PSMA5: variants seen among roughly 807,000 people sequenced by gnomAD.
The protein encoded by PSMA5 is proteasome subunit alpha type-5.
Under a neutral mutation model 34.5 loss-of-function variants are expected in PSMA5, and 3 were observed. The observed-to-expected ratio is 0.09, with a 90% CI of 0.04 to 0.22. The LOEUF (loss-of-function observed/expected upper bound fraction) is 0.22, where lower values mean the gene tolerates loss of function less well. PSMA5 is among the 10% of genes least tolerant of loss of function. The pLI is 1.00. For synonymous variants in PSMA5, 88 were observed against 95.8 expected, an observed-to-expected ratio of 0.92 and a Z score of 0.47; for missense variants, 120 against 286.1, an observed-to-expected ratio of 0.42 and a Z score of 4.19.
At chr1:109,416,268 C>T (rs983759361) in intron 2 of PSMA5, among the ~76,000 whole-genome samples, 4 of 152,188 alleles carry the variant, frequency 2.6e-5, no homozygotes, top group Non-Finnish European at 4.4e-5. Flanking sequence ...CAAGAATTAA[C>T]ATCACCCTAT....
intron 7 of PSMA5, 128 bp from the exon 8 acceptor site, chr1:109,410,142 G>A: frequency 1.6e-6 from 1 of 643,060 alleles, no homozygotes; most frequent in East Asian, 2.7e-5. Flanking sequence ...TTAGTATGGT[G>A]CATTACAAGT....
At chr1:109,403,586 T>C (rs1256838737) in intron 8 of PSMA5, among the ~76,000 whole-genome samples, 2 of 151,968 alleles carry the variant, frequency 1.3e-5, no homozygotes, top group African/African-American at 4.8e-5. Flanking sequence ...GTTGTGATCA[T>C]CCCACTGCAC....
At chr1:109,403,845 T>TA (rs896695683) in intron 8 of PSMA5, among the ~76,000 whole-genome samples, 5 of 150,908 alleles carry the variant, frequency 3.3e-5, no homozygotes, top group African/African-American at 1.2e-4. Context: ...GGAACAGACT[T>TA]AAAAAAAAAG....
Position 109,400,786 on chromosome 1 carries a change from A to G in PSMA5, c.*1227T>C, listed in dbSNP as rs1413337232. The G allele has an allele frequency of 6.6e-6, 1 of 152,194 alleles. No individual in the cohort carries two copies. The highest frequency in any genetic ancestry group is 2.4e-5 in the African/African-American group (1 of 41,438). 9.4% of individuals were successfully genotyped at this position (152,194 alleles called of 1,614,324 possible). A position where few individuals can be genotyped will look rare whatever the true frequency, so the allele number is the denominator to read the frequency against. ...TCATAATTTATTAACATATAGTACAACTTCCTACACATCAATATACCCAGA... is the reference window on the plus strand; with the variant it reads ...TCATAATTTATTAACATATAGTACAGCTTCCTACACATCAATATACCCAGA... On this transcript the variant is annotated 3_prime_UTR_variant, in exon 9 of 9. Coordinates refer to ENST00000271308, the MANE Select transcript of PSMA5 (RefSeq NM_002790.4).
At chr1:109,413,448 T>C (rs1316647713) in intron 3 of PSMA5, among the ~76,000 whole-genome samples, 1 of 152,198 alleles carries the variant, frequency 6.6e-6, no homozygotes, top group Non-Finnish European at 1.5e-5. Flanking sequence ...TTGTAGACGA[T>C]GATACATTTT....
Position 109,411,568 on chromosome 1 carries a change from A to G in PSMA5, c.458+309T>C, listed in dbSNP as rs1401093813. On this transcript the variant is annotated intron_variant, in intron 6 of 8. Coordinates refer to ENST00000271308, the MANE Select transcript of PSMA5 (RefSeq NM_002790.4). The stretch of plus-strand genomic sequence containing the variant: ...TTAGTATTAGAAGCCATATATATGT[A>G]TATACATACACACACACACACTCTA... 2.1e-5 allele frequency among the ~76,000 whole-genome samples: 3 copies of G among 144,184 alleles called. No homozygotes were observed. In the East Asian group the frequency reaches 6.2e-4, roughly 30 times the overall value. 94.6% of individuals were successfully genotyped at this position (144,184 alleles called of 152,430 possible). A position where few individuals can be genotyped will look rare whatever the true frequency, so the allele number is the denominator to read the frequency against.
At chr1:109,415,953 A>G (rs886787058) in intron 2 of PSMA5, among the ~76,000 whole-genome samples, 2 of 152,184 alleles carry the variant, frequency 1.3e-5, no homozygotes, top group African/African-American at 4.8e-5. Context: ...ACTATTAATT[A>G]TTTAAGGTCG....
At chr1:109,421,130 T>C (rs1364525678) in intron 2 of PSMA5, among the ~76,000 whole-genome samples, 1 of 151,472 alleles carries the variant, frequency 6.6e-6, no homozygotes, top group African/African-American at 2.4e-5. Context: ...GAAGCTGCAG[T>C]GAGCTAAGAT....
At chr1:109,418,972 T>C (rs111527792) in intron 2 of PSMA5, among the ~76,000 whole-genome samples, 6,745 of 152,100 alleles carry the variant, frequency 0.044, 507 homozygotes, top group African/African-American at 0.15. Flanking sequence ...CTGACCAACA[T>C]GGACAAACCC....
chr1:109,425,960 T>C (rs12073808), intron 1 of PSMA5: 22 of 408,296 alleles, frequency 5.4e-5, no homozygotes, highest in South Asian at 2.6e-4. Flanking sequence ...GCAGTCATAC[T>C]AGGCACGAAA....
At position 109,426,398 on chromosome 1, in the gene PSMA5, A is replaced by T. The variant is rs1034189561; in HGVS notation, c.-68T>A. 27 of 1,593,778 alleles carry T rather than the reference A, an allele frequency of 1.7e-5. No individual in the cohort carries two copies. In the Admixed American group the frequency reaches 4.5e-4, roughly 27 times the overall value. The stretch of plus-strand genomic sequence containing the variant: ...GACCAACACGACTCCACCGGCACCC[A>T]ACTCACCGGCAGCCAACTCACCCAC... On this transcript the variant is annotated 5_prime_UTR_variant, in exon 1 of 9. Coordinates refer to ENST00000271308, the MANE Select transcript of PSMA5 (RefSeq NM_002790.4).
intron 3 of PSMA5, among the ~76,000 whole-genome samples, chr1:109,414,053 T>C (rs889726067): frequency 6.6e-6 from 1 of 152,242 alleles, no homozygotes; most frequent in Non-Finnish European, 1.5e-5. Flanking sequence ...AAGGATTACA[T>C]TGAAGCCCTT....
intron 1 of PSMA5, among the ~76,000 whole-genome samples, chr1:109,424,637 G>A (rs965991615): frequency 2.0e-5 from 3 of 151,804 alleles, no homozygotes; most frequent in East Asian, 2.0e-4. Flanking sequence ...TTAGCCGGGC[G>A]TGGTGGCACC....
At chr1:109,412,643 A>C (rs17037695) in intron 4 of PSMA5, 75 of 171,402 alleles carry the variant, frequency 4.4e-4, no homozygotes, top group African/African-American at 1.7e-3. Flanking sequence ...AAAAAAAAAA[A>C]CAGTATCCCT....
intron 7 of PSMA5, among the ~76,000 whole-genome samples, chr1:109,410,476 C>T (rs1435067405): frequency 6.6e-6 from 1 of 152,222 alleles, no homozygotes; most frequent in Admixed American, 6.5e-5. Flanking sequence ...GAGCAGGCAT[C>T]CCTGTATGAA....
intron 8 of PSMA5, among the ~76,000 whole-genome samples, chr1:109,404,424 G>A (rs892648454): frequency 1.3e-5 from 2 of 152,176 alleles, no homozygotes; most frequent in African/African-American, 4.8e-5. Context: ...ATAATCTAAA[G>A]AGTGAGGGCC....
rs185924951 is a variant in PSMA5, at chr1:109,414,375, C to T, written c.223+862G>A. 2.0e-5 allele frequency among the ~76,000 whole-genome samples: 3 copies of T among 152,356 alleles called. No homozygotes were observed. The East Asian group carries it at 5.8e-4, about 29-fold the overall frequency. On this transcript the variant is annotated intron_variant, in intron 3 of 8. Transcript: ENST00000271308. Reference sequence around the variant, plus strand: ...TCTTCCCTTGTACTCCTACTAAGAACACACTAGTCTTTCTTAATACTTTTG... The same window carrying T: ...TCTTCCCTTGTACTCCTACTAAGAATACACTAGTCTTTCTTAATACTTTTG...
At chr1:109,415,195 C>A (rs1654141755) in intron 3 of PSMA5, 42 bp downstream of exon 3, 1 of 1,596,170 alleles carries the variant, frequency 6.3e-7, no homozygotes, top group Non-Finnish European at 8.6e-7. Context: ...GACTAATTAA[C>A]CCAGACCAGA....
chr1:109,402,751 G>T (rs1653585869), intron 8 of PSMA5, among the ~76,000 whole-genome samples: 1 of 152,154 alleles, frequency 6.6e-6, no homozygotes, highest in African/African-American at 2.4e-5. Context: ...TGTTGTTCAG[G>T]CTGGAGTGCA....
Sources: allele counts gnomAD v4.1 joint callset (sites outside exome capture counted in the v4.1 genomes callset), GRCh38; gene constraint gnomAD v4.1.1; transcripts MANE v1.5; gene names NCBI Gene and HGNC (gene_info 2026-07-23, HGNC 2026-07-21).